Variants in TIMM44 observed in about 807,000 individuals in gnomAD.
TIMM44 encodes translocase of inner mitochondrial membrane 44.
Under a neutral mutation model 63.8 loss-of-function variants are expected in TIMM44, and 37 were observed. The observed-to-expected ratio is 0.58, with a 90% CI of 0.45 to 0.76. TIMM44 has a LOEUF of 0.76. Among genes scored for constraint, TIMM44 ranks in the 30% least tolerant of loss-of-function variants. The pLI is 0.00. For missense variants in TIMM44, 573 were observed against 603.8 expected, an observed-to-expected ratio of 0.95 and a Z score of 0.54; for synonymous variants, 239 against 245.1, an observed-to-expected ratio of 0.98 and a Z score of 0.23.
chr19:7,929,786 C>T lies in TIMM44; in HGVS notation c.1038+1352G>A, dbSNP rs374503455. Reference sequence around the variant, plus strand: ...CAGCCACCTGAAATAGGGCAGTCGGCCCCCAGACACCTCATTTTACTTCAT... The same window carrying T: ...CAGCCACCTGAAATAGGGCAGTCGGTCCCCAGACACCTCATTTTACTTCAT... On this transcript the variant is annotated intron_variant, in intron 10 of 12. Coordinates refer to ENST00000270538, the MANE Select transcript of TIMM44 (RefSeq NM_006351.4). Among the ~76,000 whole-genome samples, 259 of 152,186 alleles carry T rather than the reference C, an allele frequency of 1.7e-3. 2 individuals carry two copies. The highest frequency in any genetic ancestry group is 5.4e-3 in the African/African-American group (223 of 41,528).
chr19:7,939,176 G>A (rs1984234164), intron 2 of TIMM44, among the ~76,000 whole-genome samples: 1 of 152,136 alleles, frequency 6.6e-6, no homozygotes, highest in South Asian at 2.1e-4. Flanking sequence ...CCTGTCAATT[G>A]TGACAGATGC....
chr19:7,935,178 T>C, intron 3 of TIMM44, 33 bp from the exon 4 acceptor site: 1 of 1,557,606 alleles, frequency 6.4e-7, no homozygotes, highest in South Asian at 1.1e-5. Flanking sequence ...TTTTTTTTTT[T>C]TTTTTTTTTG....
rs1409342397 is a variant in TIMM44, at chr19:7,934,381, GCGGCACCCCCAGAGCCATGAGCACAA to G, written c.394-169_394-144del. 1.8e-5 allele frequency: 20 copies of G among 1,103,076 alleles called. No homozygotes were observed. The highest frequency in any genetic ancestry group is 1.7e-4 in the African/African-American group (11 of 64,608). 68.3% of individuals were successfully genotyped at this position (1,103,076 alleles called of 1,614,324 possible). On this transcript the variant is annotated intron_variant, in intron 4 of 12. Coordinates refer to ENST00000270538, the MANE Select transcript of TIMM44 (RefSeq NM_006351.4). The surrounding 1 kb of genome is among the most constrained non-coding windows in gnomAD (Gnocchi z 5.3). ...GAGGCCTTCTGTGCTCCTGTGGTACGCGGCACCCCCAGAGCCATGAGCACAACGGCACCCCCAGAGCCACGAGCACA... is the reference window on the plus strand; with the variant it reads ...GAGGCCTTCTGTGCTCCTGTGGTACGCGGCACCCCCAGAGCCACGAGCACA...
rs1172074441 is a variant in TIMM44 at position 7,932,870 on chromosome 19, C to A, written c.832G>T (p.Ala278Ser). 3 of 1,614,094 alleles carry A rather than the reference C, an allele frequency of 1.9e-6. No homozygotes were observed. The African/African-American group carries it at 4.0e-5, about 22-fold the overall frequency. The change falls in exon 8 of 13, where the codon GCC (alanine) becomes TCC (serine). Residue 278 changes from alanine (A) to serine (S), a missense_variant. Coordinates refer to ENST00000270538, the MANE Select transcript of TIMM44 (RefSeq NM_006351.4). ...AAGTCGGTGACCTTGTCCGTAAGGG[C>A]CCGGGATGCCCGGATGAACGCGTTG... is the stretch of plus-strand genomic sequence containing the variant. The part of the protein sequence containing the change: ...SDNAFIRASR[A>S]LTDKVTDLLG...
At chr19:7,937,870 T>C (rs1984198271) in intron 3 of TIMM44, 157 bp downstream of exon 3, 1 of 845,934 alleles carries the variant, frequency 1.2e-6, no homozygotes, top group African/African-American at 1.7e-5. Flanking sequence ...ATACAAAAAT[T>C]AGCTGGGCGT....
In TIMM44 at chr19:7,938,262, C is replaced by A. The variant is rs551219109; in HGVS notation, c.142-65G>T. On this transcript the variant is annotated intron_variant, in intron 2 of 12. Coordinates refer to ENST00000270538, the MANE Select transcript of TIMM44 (RefSeq NM_006351.4). ...GTAGAACATAGAATGAAATGCCCCA[C>A]AGAGGGACTCAGGGATTTTTTTAAA... is the stretch of plus-strand genomic sequence containing the variant. 77 of 1,300,660 alleles carry A rather than the reference C, an allele frequency of 5.9e-5. No homozygotes were observed. The African/African-American group carries it at 1.1e-3, about 18-fold the overall frequency. The allele number at this position is 1,300,660 out of a possible 1,614,324, so 80.6% of individuals were successfully genotyped here.
chr19:7,935,599 G>A (rs1051657948), intron 3 of TIMM44, among the ~76,000 whole-genome samples: 6 of 152,198 alleles, frequency 3.9e-5, no homozygotes, highest in African/African-American at 1.2e-4. Context: ...CAGGGCCCCC[G>A]GCTGCCCACA....
chr19:7,934,289 G>C lies in TIMM44; in HGVS notation c.394-51C>G, dbSNP rs752756690. ...GCGTTGGCACCGGCCCTGGCGGCCGGGGGGCGGGGCAGGAGGAATGAATTC... is the reference window on the plus strand; with the variant it reads ...GCGTTGGCACCGGCCCTGGCGGCCGCGGGGCGGGGCAGGAGGAATGAATTC... On this transcript the variant is annotated intron_variant, in intron 4 of 12. Transcript: ENST00000270538. This position sits in a 1 kb window ranked among gnomAD's most constrained non-coding sequence, Gnocchi z 5.3. 2.5e-6 allele frequency: 4 copies of C among 1,601,900 alleles called. No individual in the cohort carries two copies. The highest frequency in any genetic ancestry group is 1.3e-5 in the African/African-American group (1 of 74,882).
At chr19:7,928,215 C>A in intron 10 of TIMM44, 49 bp from the exon 11 acceptor site, 1 of 1,496,094 alleles carries the variant, frequency 6.7e-7, no homozygotes, top group Non-Finnish European at 9.2e-7. Context: ...AGGGTGGGCA[C>A]CACGCCACAC....
chr19:7,930,673 G>C (rs1038766512), intron 10 of TIMM44, among the ~76,000 whole-genome samples: 3 of 152,112 alleles, frequency 2.0e-5, no homozygotes, highest in Non-Finnish European at 2.9e-5. Flanking sequence ...AGTCTTGAAT[G>C]CTTGGGCTCA....
chr19:7,940,951 G>A (rs1042770489), intron 2 of TIMM44, 151 bp downstream of exon 2: 1 of 692,784 alleles, frequency 1.4e-6, no homozygotes, highest in African/African-American at 1.8e-5. Context: ...GGCACACTGG[G>A]ATCTGTCATT....
chr19:7,942,078 G>A (rs1009142347), intron 1 of TIMM44, among the ~76,000 whole-genome samples: 2 of 152,218 alleles, frequency 1.3e-5, no homozygotes, highest in African/African-American at 4.8e-5. Flanking sequence ...GCTGGGCGCG[G>A]TGGCTCACGC....
chr19:7,942,697 G>T (rs1240000148), intron 1 of TIMM44, among the ~76,000 whole-genome samples: 15 of 143,788 alleles, frequency 1.0e-4, no homozygotes, highest in Middle Eastern at 3.6e-3. Flanking sequence ...GTCTCCCTCT[G>T]TTGCCCAGGC....
In TIMM44 at chr19:7,938,215, G is replaced by A. The variant is rs1568298058; in HGVS notation, c.142-18C>T. On this transcript the variant is annotated intron_variant, in intron 2 of 12. Transcript: ENST00000270538. The stretch of plus-strand genomic sequence containing the variant: ...GATTTGGACTAGAAAGAATGTACAA[G>A]AAAAAAAATTTAAAGAACATAGTAG... The A allele has an allele frequency of 1.9e-6, 3 of 1,603,394 alleles. No individual in the cohort carries two copies. In the East Asian group the frequency reaches 6.7e-5, roughly 36 times the overall value.
At chr19:7,940,646 C>T (rs1383242147) in intron 2 of TIMM44, among the ~76,000 whole-genome samples, 2 of 152,022 alleles carry the variant, frequency 1.3e-5, no homozygotes, top group African/African-American at 2.4e-5. Context: ...TCTGTCCTCA[C>T]GATGCTGAGA....
rs1316250739 is a variant in TIMM44, at chr19:7,933,892, T to C, written c.655A>G (p.Lys219Glu). 3.1e-6 allele frequency: 5 copies of C among 1,614,154 alleles called. No homozygotes were observed. The South Asian group carries it at 4.4e-5, about 14-fold the overall frequency. The change falls in exon 6 of 13, where the codon AAG becomes GAG. Residue 219 changes from lysine to glutamate, a missense_variant. Transcript: ENST00000270538. This position sits in a 1 kb window ranked among gnomAD's most constrained non-coding sequence, Gnocchi z 4.3. ...TTTGGCTCAAACACTTTCTCCTCCT[T>C]GAACTTATCTCCCGCAAACTCCGTT... The part of the protein sequence containing the change: ...KRTEFAGDKF[K>E]EEKVFEPNEE...
At position 7,934,348 on chromosome 19, in the gene TIMM44, G is replaced by C; in HGVS notation, c.394-110C>G. 7.2e-7 allele frequency: 1 copy of C among 1,396,846 alleles called. No individual in the cohort carries two copies. The highest frequency in any genetic ancestry group is 1.0e-6 in the Non-Finnish European group (1 of 1,001,420). The allele number at this position is 1,396,846 out of a possible 1,614,324, so 86.5% of individuals were successfully genotyped here. A position where few individuals can be genotyped will look rare whatever the true frequency, so the allele number is the denominator to read the frequency against. On this transcript the variant is annotated intron_variant, in intron 4 of 12. Coordinates refer to ENST00000270538, the MANE Select transcript of TIMM44 (RefSeq NM_006351.4). The surrounding 1 kb of genome is among the most constrained non-coding windows in gnomAD (Gnocchi z 5.3). ...GAGAAGGGCGGATCTGGTTCCCCGA[G>C]GCCGGCAGAGGCCTTCTGTGCTCCT...
chr19:7,943,250 G>A lies in TIMM44; in HGVS notation c.45+357C>T, dbSNP rs988394365. 6.6e-6 allele frequency among the ~76,000 whole-genome samples: 1 copy of A among 152,178 alleles called. No individual in the cohort carries two copies. The highest frequency in any genetic ancestry group is 2.4e-5 in the African/African-American group (1 of 41,526). ...TCGGTAGAGAACTTGGCATTTAACCGCGAGCTGTGAATTTCACGTTTTTTT... is the reference window on the plus strand; with the variant it reads ...TCGGTAGAGAACTTGGCATTTAACCACGAGCTGTGAATTTCACGTTTTTTT... On this transcript the variant is annotated intron_variant, in intron 1 of 12. Coordinates refer to ENST00000270538, the MANE Select transcript of TIMM44 (RefSeq NM_006351.4). This position sits in a 1 kb window ranked among gnomAD's most constrained non-coding sequence, Gnocchi z 4.3.
In TIMM44 at chr19:7,933,963, A is replaced by G. The variant is rs1207654029; in HGVS notation, c.584T>C (p.Leu195Pro). 3.7e-6 allele frequency: 6 copies of G among 1,614,024 alleles called. No homozygotes were observed. In the African/African-American group the frequency reaches 6.7e-5, roughly 18 times the overall value. ...CCTCCGGTAGGGCCCGGTCTGTCCC[A>G]GGACGCTGTCGTCAATTTCCTTCTT... ...SVKKEIDDSVLGQTGPYRRPQ... is the reference protein window; with the variant it reads ...SVKKEIDDSVPGQTGPYRRPQ... The change falls in exon 6 of 13, where the codon CTG (leucine) becomes CCG (proline). Residue 195 changes from leucine (L) to proline (P), a missense_variant. Coordinates refer to ENST00000270538, the MANE Select transcript of TIMM44 (RefSeq NM_006351.4). The surrounding 1 kb of genome is among the most constrained non-coding windows in gnomAD (Gnocchi z 4.3).
Sources: allele counts gnomAD v4.1 joint callset (sites outside exome capture counted in the v4.1 genomes callset), GRCh38; gene constraint gnomAD v4.1.1; non-coding constraint Gnocchi (gnomAD v3.1); transcripts MANE v1.5; gene names NCBI Gene and HGNC (gene_info 2026-07-23, HGNC 2026-07-21).